The following FAT1 variants were observed in gnomAD, a reference collection of about 807,000 sequenced individuals.
FAT1 encodes the protein FAT atypical cadherin 1.
In FAT1, 171 loss-of-function variants were observed where a neutral mutation model predicts 329.8. That is an observed-to-expected ratio of 0.52 (90% CI 0.46 to 0.59). The LOEUF (loss-of-function observed/expected upper bound fraction) is 0.59, where lower values mean the gene tolerates loss of function less well. Among genes scored for constraint, FAT1 ranks in the 20% least tolerant of loss-of-function variants. FAT1 has a pLI of 0.00. For missense variants in FAT1, 5,672 were observed against 5,774.4 expected (o/e 0.98, Z 0.57); for synonymous variants, 2,233 against 2,228.6 (o/e 1.00, Z -0.06).
At chr4:186,697,570 T>C (rs1744099102) in intron 2 of FAT1, among the ~76,000 whole-genome samples, 1 of 152,246 alleles carries the variant, frequency 6.6e-6, no homozygotes, top group Admixed American at 6.5e-5. Context: ...CGGTTTCTCC[T>C]AAATCATTTC....
chr4:186,721,455 T>C (rs571165880), intron 1 of FAT1, among the ~76,000 whole-genome samples: 87 of 152,354 alleles, frequency 5.7e-4, no homozygotes, highest in African/African-American at 2.0e-3. Context: ...AAGATAGAGT[T>C]TGGCTTCAAC....
chr4:186,662,956 C>A (rs903010702), intron 3 of FAT1, among the ~76,000 whole-genome samples: 1 of 152,054 alleles, frequency 6.6e-6, no homozygotes, highest in Non-Finnish European at 1.5e-5. Flanking sequence ...CCTGCCTCAG[C>A]CTCTGGAGTA....
At chr4:186,657,899 C>A (rs1339673557) in intron 3 of FAT1, among the ~76,000 whole-genome samples, 1 of 152,274 alleles carries the variant, frequency 6.6e-6, no homozygotes, top group Non-Finnish European at 1.5e-5. Context: ...CGAGGTTGTT[C>A]GTGAATAATG....
chr4:186,695,856 A>G lies in FAT1; in HGVS notation c.3265+10707T>C, dbSNP rs529755606. Among the ~76,000 whole-genome samples, 504 of 150,936 alleles carry G rather than the reference A, an allele frequency of 3.3e-3. 1 individual carries two copies. The highest frequency in any genetic ancestry group is 5.9e-3 in the Non-Finnish European group (398 of 67,788). On this transcript the variant is annotated intron_variant, in intron 2 of 26. Transcript: ENST00000441802. Reference sequence around the variant, plus strand: ...CCCCAGGCTGAAGGGCAGTGGCACAATCTCGACTCACTGCAACCTCCAGCT... The same window carrying G: ...CCCCAGGCTGAAGGGCAGTGGCACAGTCTCGACTCACTGCAACCTCCAGCT...
chr4:186,652,819 T>C (rs534791224), intron 3 of FAT1, among the ~76,000 whole-genome samples: 6 of 152,234 alleles, frequency 3.9e-5, no homozygotes, highest in East Asian at 1.9e-4. Context: ...CAGAAAAAAA[T>C]AGTTGTAAAG....
rs538538657 is a variant in FAT1 at position 186,651,600 on chromosome 4, G to C, written c.3580+11699C>G. Among the ~76,000 whole-genome samples, 4 of 152,274 alleles carry C rather than the reference G, an allele frequency of 2.6e-5. No homozygotes were observed. In the East Asian group the frequency reaches 7.7e-4, roughly 29 times the overall value. ...GCCCATAAGGACCTGAGCCAACACT[G>C]GATCCCCCCGAAACACACACCAGAG... On this transcript the variant is annotated intron_variant, in intron 3 of 26. Coordinates refer to ENST00000441802, the MANE Select transcript of FAT1 (RefSeq NM_005245.4).
chr4:186,718,903 T>TGTCAAATGA (rs1208628015), intron 1 of FAT1, among the ~76,000 whole-genome samples: 2 of 152,066 alleles, frequency 1.3e-5, no homozygotes, highest in Non-Finnish European at 2.9e-5. Flanking sequence ...GTCAAACCAA[T>TGTCAAATGA]GACCTTTTCT....
intron 2 of FAT1, among the ~76,000 whole-genome samples, chr4:186,666,116 C>G (rs1475649940): frequency 1.3e-5 from 2 of 151,200 alleles, no homozygotes; most frequent in African/African-American, 4.9e-5. Context: ...AGCACACCAA[C>G]ATGGCACATG....
At position 186,601,387 on chromosome 4, in the gene FAT1, T is replaced by TTCA; in HGVS notation, c.11519_11521dup (p.Val3840_Lys3841insMet). ...GTTTTCATTTTCCGTCAGACGGTAT[T>TTCA]TCACGTAGCTGTTTCCAGTCAGTGT... On this transcript the variant is annotated inframe_insertion, in exon 21 of 27. Coordinates refer to ENST00000441802, the MANE Select transcript of FAT1 (RefSeq NM_005245.4). 1 of 1,613,550 alleles carries TTCA rather than the reference T, an allele frequency of 6.2e-7. No individual in the cohort carries two copies. The highest frequency in any genetic ancestry group is 8.5e-7 in the Non-Finnish European group (1 of 1,179,506).
intron 26 of FAT1, chr4:186,590,427 AAAG>A: frequency 7.8e-7 from 1 of 1,288,266 alleles, no homozygotes; most frequent in South Asian, 1.2e-5. Flanking sequence ...AGTAGAAAAA[AAAG>A]AAAACATTTG....
chr4:186,612,331 G>A (rs758062010), intron 13 of FAT1, among the ~76,000 whole-genome samples: 1 of 151,990 alleles, frequency 6.6e-6, no homozygotes, highest in Non-Finnish European at 1.5e-5. Context: ...AATCACATCT[G>A]TTTATCATTG....
At chr4:186,711,179 T>A (rs536172102) in intron 1 of FAT1, among the ~76,000 whole-genome samples, 1 of 152,306 alleles carries the variant, frequency 6.6e-6, no homozygotes, top group Non-Finnish European at 1.5e-5. Context: ...GTATCTTAAC[T>A]TAGCTACTGC....
chr4:186,644,586 C>T (rs985598577), intron 3 of FAT1, among the ~76,000 whole-genome samples: 1 of 152,134 alleles, frequency 6.6e-6, no homozygotes, highest in African/African-American at 2.4e-5. Flanking sequence ...ACTTGAGGAA[C>T]ATCATTAAAA....
At chr4:186,686,327 C>A (rs1362807585) in intron 2 of FAT1, among the ~76,000 whole-genome samples, 1 of 150,112 alleles carries the variant, frequency 6.7e-6, no homozygotes, top group East Asian at 2.0e-4. Flanking sequence ...AAATCAGACT[C>A]TATATTGCAG....
chr4:186,603,545 G>A lies in FAT1; in HGVS notation c.10981C>T (p.Arg3661Cys). Reference sequence around the variant, plus strand: ...TTCCGTAAAGCTCGCTGGAAGTTGCGCCAGTAGTCACCAACGAATTCTTCC... The same window carrying A: ...TTCCGTAAAGCTCGCTGGAAGTTGCACCAGTAGTCACCAACGAATTCTTCC... ...TPEEFVGDYW[R>C]NFQRALRNIL... The change falls in exon 19 of 27, where the codon CGC becomes TGC. Residue 3661 changes from arginine to cysteine, a missense_variant. Around this residue, in one of 2 missense-constraint regions of FAT1, gnomAD observed 1,706 missense variants for 1,859.1 expected, o/e 0.92. Coordinates refer to ENST00000441802, the MANE Select transcript of FAT1 (RefSeq NM_005245.4). 1.2e-6 allele frequency: 2 copies of A among 1,613,930 alleles called. No homozygotes were observed. The highest frequency in any genetic ancestry group is 1.7e-6 in the Non-Finnish European group (2 of 1,179,874).
intron 2 of FAT1, among the ~76,000 whole-genome samples, chr4:186,694,869 G>T (rs1401247804): frequency 6.6e-6 from 1 of 152,234 alleles, no homozygotes; most frequent in Non-Finnish European, 1.5e-5. Context: ...GGCTGAAGCA[G>T]AAGAATCGCT....
chr4:186,612,326 C>T (rs1372760182), intron 13 of FAT1, among the ~76,000 whole-genome samples: 1 of 152,084 alleles, frequency 6.6e-6, no homozygotes, highest in Non-Finnish European at 1.5e-5. Context: ...TTACAAATCA[C>T]ATCTGTTTAT....
intron 20 of FAT1, among the ~76,000 whole-genome samples, chr4:186,602,121 C>T (rs1385213612): frequency 1.3e-5 from 2 of 152,052 alleles, no homozygotes; most frequent in Admixed American, 6.5e-5. Context: ...CAGAGAAATG[C>T]AAATTAAAAT....
chr4:186,637,037 A>G (rs914406555), intron 4 of FAT1, 123 bp from the exon 5 acceptor site: 3 of 808,670 alleles, frequency 3.7e-6, no homozygotes, highest in Non-Finnish European at 5.9e-6. Flanking sequence ...CGATGACAAC[A>G]TACACAGCAG....
Sources: allele counts gnomAD v4.1 joint callset (sites outside exome capture counted in the v4.1 genomes callset), GRCh38; gene constraint gnomAD v4.1.1; regional missense constraint gnomAD v4.1.1; transcripts MANE v1.5; gene names NCBI Gene and HGNC (gene_info 2026-07-23, HGNC 2026-07-21).